Variants in ADGRL3 observed in about 807,000 individuals in gnomAD.
ADGRL3 encodes the protein adhesion G protein-coupled receptor L3, also known as calcium-independent alpha-latrotoxin receptor 3.
ADGRL3 carries 62 observed loss-of-function variants against 153.5 expected under a neutral mutation model. The observed-to-expected ratio is 0.40, with a 90% CI of 0.33 to 0.50. The LOEUF (loss-of-function observed/expected upper bound fraction) is 0.50, where lower values mean the gene tolerates loss of function less well. ADGRL3 is among the 20% of genes least tolerant of loss of function. The pLI, the probability that ADGRL3 is intolerant of heterozygous loss-of-function variation, is 0.47. For synonymous variants in ADGRL3, 710 were observed against 672.5 expected (o/e 1.06, Z -0.86); for missense variants, 1,641 against 1,859.4 (o/e 0.88, Z 2.16).
At chr4:61,815,846 G>C (rs978101143) in intron 9 of ADGRL3, among the ~76,000 whole-genome samples, 2 of 152,324 alleles carry the variant, frequency 1.3e-5, no homozygotes, top group East Asian at 3.9e-4. Flanking sequence ...CTTGGAAACA[G>C]AGAGCAGCCC....
intron 15 of ADGRL3, 62 bp from the exon 16 acceptor site, chr4:61,946,852 T>A: frequency 8.3e-7 from 1 of 1,206,364 alleles, no homozygotes; most frequent in South Asian, 1.3e-5. Context: ...ATTTTCTATC[T>A]CATTAGTACT....
At chr4:61,408,868 AAG>A (rs2097042054) in intron 2 of ADGRL3, among the ~76,000 whole-genome samples, 1 of 151,940 alleles carries the variant, frequency 6.6e-6, no homozygotes, top group Non-Finnish European at 1.5e-5. Context: ...ACTTATTTCT[AAG>A]AGTGTTTAAA....
At chr4:61,264,340 A>G (rs1337910973) in intron 1 of ADGRL3, among the ~76,000 whole-genome samples, 1 of 151,988 alleles carries the variant, frequency 6.6e-6, no homozygotes, top group Admixed American at 6.6e-5. Context: ...TTTTCCTTAA[A>G]CTACCCTCTC....
intron 6 of ADGRL3, among the ~76,000 whole-genome samples, chr4:61,729,392 C>T (rs2096402852): frequency 1.3e-5 from 2 of 151,806 alleles, no homozygotes; most frequent in Admixed American, 1.3e-4. Context: ...TCAAAAAAGT[C>T]GTTGGAGAGA....
At chr4:61,412,413 T>A (rs2097098769) in intron 2 of ADGRL3, among the ~76,000 whole-genome samples, 1 of 152,144 alleles carries the variant, frequency 6.6e-6, no homozygotes, top group African/African-American at 2.4e-5. Context: ...TGGCCACAGA[T>A]ACTACAGTTT....
At chr4:61,410,797 A>G (rs941792978) in intron 2 of ADGRL3, among the ~76,000 whole-genome samples, 16 of 152,148 alleles carry the variant, frequency 1.1e-4, no homozygotes, top group African/African-American at 3.6e-4. Context: ...CCTTGCCCCA[A>G]GCTCCCCCAA....
chr4:61,686,091 G>C (rs2095437365), intron 6 of ADGRL3, among the ~76,000 whole-genome samples: 1 of 152,052 alleles, frequency 6.6e-6, no homozygotes, highest in Non-Finnish European at 1.5e-5. Flanking sequence ...GAAGGGGTTA[G>C]CTCAACCATG....
At chr4:62,012,211 T>A (rs2099189783) in intron 21 of ADGRL3, among the ~76,000 whole-genome samples, 1 of 152,164 alleles carries the variant, frequency 6.6e-6, no homozygotes, top group Non-Finnish European at 1.5e-5. Context: ...TCCACTGTAT[T>A]TTGAGTCACA....
intron 9 of ADGRL3, among the ~76,000 whole-genome samples, chr4:61,871,453 C>T (rs530220929): frequency 6.6e-6 from 1 of 152,192 alleles, no homozygotes; most frequent in South Asian, 2.1e-4. Flanking sequence ...GAATGAGGTA[C>T]TGATTCAAGC....
At chr4:61,256,597 G>A (rs2091991893) in intron 1 of ADGRL3, among the ~76,000 whole-genome samples, 1 of 151,936 alleles carries the variant, frequency 6.6e-6, no homozygotes, top group Non-Finnish European at 1.5e-5. Context: ...TGTTTATTTT[G>A]TGTGAAGAAG....
chr4:62,024,393 T>C (rs557355873), intron 21 of ADGRL3, among the ~76,000 whole-genome samples: 2 of 152,246 alleles, frequency 1.3e-5, no homozygotes, highest in South Asian at 2.1e-4. Context: ...ATTTATTTGG[T>C]TCATTTCATT....
chr4:61,524,833 A>T (rs1454323188), intron 4 of ADGRL3, among the ~76,000 whole-genome samples: 1 of 152,130 alleles, frequency 6.6e-6, no homozygotes, highest in Non-Finnish European at 1.5e-5. Context: ...TAATAAATTC[A>T]TTTATTGTTA....
At chr4:61,590,949 G>T (rs1214369488) in intron 5 of ADGRL3, among the ~76,000 whole-genome samples, 1 of 152,108 alleles carries the variant, frequency 6.6e-6, no homozygotes, top group Non-Finnish European at 1.5e-5. Context: ...TTTTATTGAT[G>T]TATAATATGC....
intron 17 of ADGRL3, among the ~76,000 whole-genome samples, chr4:61,969,123 C>A (rs1232440772): frequency 6.6e-6 from 1 of 152,250 alleles, no homozygotes; most frequent in African/African-American, 2.4e-5. Context: ...AAAATTTCCT[C>A]TCTTGTTTAC....
At chr4:61,774,796 TA>T (rs2097128559) in intron 8 of ADGRL3, among the ~76,000 whole-genome samples, 1 of 152,200 alleles carries the variant, frequency 6.6e-6, no homozygotes, top group Admixed American at 6.5e-5. Flanking sequence ...TAAACTTTGT[TA>T]TAGGTGTGTA....
chr4:61,744,883 G>A (rs919209211), intron 8 of ADGRL3, among the ~76,000 whole-genome samples: 3 of 152,198 alleles, frequency 2.0e-5, no homozygotes, highest in Admixed American at 6.5e-5. Context: ...TTGATGAGTT[G>A]AGAGAAGAAG....
chr4:61,606,851 A>T (rs17239094), intron 5 of ADGRL3, among the ~76,000 whole-genome samples: 1 of 152,152 alleles, frequency 6.6e-6, no homozygotes, highest in South Asian at 2.1e-4. Flanking sequence ...AATTGGAAAC[A>T]TAACAAGTCC....
chr4:61,438,159 C>T (rs908526881), intron 2 of ADGRL3, among the ~76,000 whole-genome samples: 15 of 151,970 alleles, frequency 9.9e-5, no homozygotes, highest in Non-Finnish European at 2.1e-4. Context: ...CATGACAGAA[C>T]AAATGTGTCT....
intron 5 of ADGRL3, among the ~76,000 whole-genome samples, chr4:61,606,581 G>T (rs2099033311): frequency 6.6e-6 from 1 of 152,110 alleles, no homozygotes; most frequent in African/African-American, 2.4e-5. Flanking sequence ...TTGGACGAGG[G>T]TCCCATCTTT....
Sources: gnomAD v4.1 joint callset for allele counts (sites outside exome capture counted in the v4.1 genomes callset) on GRCh38, gnomAD v4.1.1 for gene constraint, MANE v1.5 for transcripts, NCBI Gene and HGNC (gene_info 2026-07-23, HGNC 2026-07-21) for gene names.